Variants in NRG3 observed in about 807,000 individuals in gnomAD.
NRG3 encodes the protein pro-neuregulin-3, membrane-bound isoform.
A neutral mutation model predicts 66.9 loss-of-function variants in NRG3; 31 were observed. The observed-to-expected ratio is 0.46, with a 90% CI of 0.35 to 0.63. The LOEUF (loss-of-function observed/expected upper bound fraction) is 0.63. Among genes scored for constraint, NRG3 ranks in the 20% least tolerant of loss-of-function variants. The probability of loss-of-function intolerance (pLI) is 0.00; values close to 1 mark genes in which losing one functional copy is unlikely to be tolerated. For synonymous variants in NRG3, 393 were observed against 359.4 expected (o/e 1.09, Z -1.06); for missense variants, 910 against 878.9 (o/e 1.04, Z -0.45).
intron 1 of NRG3, among the ~76,000 whole-genome samples, chr10:82,340,421 C>T (rs899535640): frequency 3.3e-5 from 5 of 152,184 alleles, no homozygotes; most frequent in African/African-American, 1.2e-4. Flanking sequence ...AAGCCAGGCT[C>T]TTGTGTTGCA....
At chr10:82,655,715 A>C (rs2790708) in intron 2 of NRG3, among the ~76,000 whole-genome samples, 18,088 of 152,222 alleles carry the variant, frequency 0.12, 1,245 homozygotes, top group Non-Finnish European at 0.14. Flanking sequence ...GAAAATCTCA[A>C]AAACAATCTA....
At chr10:82,862,862 C>G (rs904350852) in intron 3 of NRG3, among the ~76,000 whole-genome samples, 7 of 152,070 alleles carry the variant, frequency 4.6e-5, no homozygotes, top group African/African-American at 1.4e-4. Flanking sequence ...TTTTATTTTA[C>G]TTTAAGTTCT....
chr10:82,816,163 C>A (rs915675968), intron 3 of NRG3, among the ~76,000 whole-genome samples: 2 of 152,250 alleles, frequency 1.3e-5, no homozygotes, highest in African/African-American at 4.8e-5. Flanking sequence ...TCTTGTCACC[C>A]ACAATGTGGC....
At chr10:82,172,902 T>TA (rs2072739461) in intron 1 of NRG3, among the ~76,000 whole-genome samples, 1 of 152,064 alleles carries the variant, frequency 6.6e-6, no homozygotes, top group South Asian at 2.1e-4. Context: ...AATAGTTGAG[T>TA]AAAAAATGTA....
intron 1 of NRG3, among the ~76,000 whole-genome samples, chr10:81,948,791 A>C (rs1221469299): frequency 6.6e-6 from 1 of 152,178 alleles, no homozygotes; most frequent in Non-Finnish European, 1.5e-5. Flanking sequence ...GTCTAATGCA[A>C]ATTGCAAATA....
intron 5 of NRG3, among the ~76,000 whole-genome samples, chr10:82,958,704 A>G (rs762053004): frequency 2.4e-4 from 37 of 152,196 alleles, no homozygotes; most frequent in Admixed American, 1.4e-3. Context: ...CAATGCACTA[A>G]ATGTTTGTCT....
chr10:82,911,239 A>C (rs983503512), intron 4 of NRG3, among the ~76,000 whole-genome samples: 2 of 151,646 alleles, frequency 1.3e-5, no homozygotes, highest in Non-Finnish European at 2.9e-5. Context: ...GTTTATAAGC[A>C]TTTTTTTTCA....
intron 2 of NRG3, among the ~76,000 whole-genome samples, chr10:82,395,890 C>T (rs536401701): frequency 1.3e-5 from 2 of 152,194 alleles, no homozygotes; most frequent in Non-Finnish European, 2.9e-5. Context: ...TGAAAATGCT[C>T]TTACCATTAG....
At chr10:82,117,474 A>C (rs1331145728) in intron 1 of NRG3, among the ~76,000 whole-genome samples, 1 of 152,046 alleles carries the variant, frequency 6.6e-6, no homozygotes, top group Non-Finnish European at 1.5e-5. Context: ...TTTTAATTTA[A>C]TTTTTGTCAA....
At chr10:82,980,561 G>A (rs554738728) in intron 8 of NRG3, among the ~76,000 whole-genome samples, 144 of 152,280 alleles carry the variant, frequency 9.5e-4, no homozygotes, top group Non-Finnish European at 8.4e-4. Flanking sequence ...AACGGGTTAC[G>A]TCTAGCACAG....
chr10:81,910,222 G>A (rs570981593), intron 1 of NRG3, among the ~76,000 whole-genome samples: 10 of 152,184 alleles, frequency 6.6e-5, no homozygotes, highest in African/African-American at 1.9e-4. Flanking sequence ...CACCTACTAG[G>A]CACCAAGTGA....
chr10:82,099,797 A>T (rs2066610202), intron 1 of NRG3, among the ~76,000 whole-genome samples: 1 of 151,598 alleles, frequency 6.6e-6, no homozygotes, highest in South Asian at 2.1e-4. Flanking sequence ...CTTCCTCTCT[A>T]CAAAAATGTA....
intron 2 of NRG3, among the ~76,000 whole-genome samples, chr10:82,517,898 A>G (rs1446513716): frequency 1.3e-5 from 2 of 152,132 alleles, no homozygotes; most frequent in African/African-American, 2.4e-5. Context: ...CATACTGGGT[A>G]AGGAAAAGAA....
chr10:81,920,852 T>G (rs1414355238), intron 1 of NRG3, among the ~76,000 whole-genome samples: 1 of 152,138 alleles, frequency 6.6e-6, no homozygotes, highest in East Asian at 1.9e-4. Flanking sequence ...GAACAGAAAT[T>G]AATTGTATAG....
intron 2 of NRG3, among the ~76,000 whole-genome samples, chr10:82,402,612 C>G (rs1431249349): frequency 6.6e-6 from 1 of 152,116 alleles, no homozygotes. Flanking sequence ...CAGGGACAGC[C>G]TGTGAATTGT....
rs965053850 is a variant in NRG3, at chr10:82,953,848, C to T, written c.1157+2277C>T. On this transcript the variant is annotated intron_variant, in intron 5 of 8. Transcript: ENST00000372141. ...TGGTGAGCACCTGTAATCTCAGCTACTCGGGAGGCTGAGGCACAAGAATGG... is the reference window on the plus strand; with the variant it reads ...TGGTGAGCACCTGTAATCTCAGCTATTCGGGAGGCTGAGGCACAAGAATGG... Among the ~76,000 whole-genome samples, 4 of 151,308 alleles carry T rather than the reference C, an allele frequency of 2.6e-5. No homozygotes were observed. The East Asian group carries it at 7.8e-4, about 29-fold the overall frequency.
At chr10:82,062,734 G>A (rs1323714486) in intron 1 of NRG3, among the ~76,000 whole-genome samples, 3 of 152,072 alleles carry the variant, frequency 2.0e-5, no homozygotes, top group African/African-American at 7.2e-5. Context: ...TGATGCTACT[G>A]GGGAAAAGTA....
chr10:82,014,888 G>A (rs1469019235), intron 1 of NRG3, among the ~76,000 whole-genome samples: 1 of 152,054 alleles, frequency 6.6e-6, no homozygotes, highest in Non-Finnish European at 1.5e-5. Context: ...AGACTAAATT[G>A]GCCAGCAAGG....
At chr10:82,880,097 G>T (rs1329617915) in intron 4 of NRG3, among the ~76,000 whole-genome samples, 3 of 150,988 alleles carry the variant, frequency 2.0e-5, no homozygotes, top group African/African-American at 7.3e-5. Flanking sequence ...GAAAGAGAAT[G>T]AATGTTCACT....
Sources: gnomAD v4.1 joint callset for allele counts (sites outside exome capture counted in the v4.1 genomes callset) on GRCh38, gnomAD v4.1.1 for gene constraint, MANE v1.5 for transcripts, NCBI Gene and HGNC (gene_info 2026-07-23, HGNC 2026-07-21) for gene names.